Variants in KANK1 observed in about 807,000 individuals in gnomAD.
The protein encoded by KANK1 is KN motif and ankyrin repeat domain-containing protein 1.
A neutral mutation model predicts 106.2 loss-of-function variants in KANK1; 109 were observed. The ratio of observed to expected loss-of-function variants is 1.03; its 90% CI spans 0.88 to 1.20. The LOEUF is 1.20. KANK1 is among the 50% of genes most tolerant of loss of function. The probability of loss-of-function intolerance (pLI) is 0.00; values close to 1 mark genes in which losing one functional copy is unlikely to be tolerated. For synonymous variants in KANK1, 873 were observed against 652.2 expected (o/e 1.34, Z -5.16); for missense variants, 2,399 against 1,710.7 (o/e 1.40, Z -7.10).
chr9:692,281 C>T (rs1820136046), intron 2 of KANK1, among the ~76,000 whole-genome samples: 1 of 152,190 alleles, frequency 6.6e-6, no homozygotes, highest in Non-Finnish European at 1.5e-5. Context: ...CTTTGAGACA[C>T]ATACTTTCCT....
At chr9:548,488 C>T (rs1360323217) in intron 1 of KANK1, among the ~76,000 whole-genome samples, 3 of 152,044 alleles carry the variant, frequency 2.0e-5, no homozygotes, top group Non-Finnish European at 2.9e-5. Context: ...ATGACTTTAA[C>T]GCTAAATAGC....
At chr9:611,867 T>C (rs887475739) in intron 1 of KANK1, among the ~76,000 whole-genome samples, 2 of 152,090 alleles carry the variant, frequency 1.3e-5, no homozygotes, top group African/African-American at 2.4e-5. Flanking sequence ...TACAGGCGCA[T>C]GCCACCACAC....
intron 7 of KANK1, among the ~76,000 whole-genome samples, chr9:735,102 C>T (rs1039293176): frequency 2.0e-5 from 3 of 152,168 alleles, no homozygotes; most frequent in African/African-American, 7.2e-5. Flanking sequence ...CACTTGCAGA[C>T]AGAAAGCAGG....
intron 1 of KANK1, among the ~76,000 whole-genome samples, chr9:594,434 G>T (rs1825737074): frequency 6.6e-6 from 1 of 151,806 alleles, no homozygotes; most frequent in Non-Finnish European, 1.5e-5. Context: ...ATACCAGAAG[G>T]ATGGATGATT....
At chr9:518,487 T>A (rs1287614198) in intron 1 of KANK1, among the ~76,000 whole-genome samples, 1 of 151,696 alleles carries the variant, frequency 6.6e-6, no homozygotes, top group Non-Finnish European at 1.5e-5. Context: ...TGATTCGATG[T>A]AGGGGAGGGG....
intron 6 of KANK1, chr9:734,429 G>C (rs1833188506): frequency 8.1e-6 from 2 of 245,920 alleles, no homozygotes; most frequent in Non-Finnish European, 1.6e-5. Context: ...ACTGTGGGAG[G>C]CCGAGGCAGG....
intron 1 of KANK1, among the ~76,000 whole-genome samples, chr9:616,893 A>G (rs1831970620): frequency 6.6e-6 from 1 of 152,190 alleles, no homozygotes; most frequent in African/African-American, 2.4e-5. Context: ...TTCTGCTACC[A>G]CTTCATTGGT....
chr9:647,263 C>T (rs925850202), intron 1 of KANK1, among the ~76,000 whole-genome samples: 4 of 123,284 alleles, frequency 3.2e-5, no homozygotes, highest in South Asian at 2.2e-4. Context: ...TTTCTGTTCT[C>T]ATTAATTTTC....
intron 2 of KANK1, among the ~76,000 whole-genome samples, chr9:701,324 G>A (rs1203995837): frequency 7.2e-5 from 11 of 152,108 alleles, no homozygotes; most frequent in Non-Finnish European, 2.9e-5. Flanking sequence ...TGTTGGTCTC[G>A]AACTCCCCAC....
chr9:539,727 T>G (rs58003102), intron 1 of KANK1: 61,411 of 151,626 alleles, frequency 0.41, 16,577 homozygotes, highest in East Asian at 0.74. Context: ...ACTCAAGCAG[T>G]CCTTCTGCCT....
At chr9:739,698 G>A (rs1054662615) in intron 8 of KANK1, among the ~76,000 whole-genome samples, 6 of 152,184 alleles carry the variant, frequency 3.9e-5, no homozygotes, top group African/African-American at 1.4e-4. Context: ...CTTAGAAGTT[G>A]ATAAAACATC....
intron 1 of KANK1, among the ~76,000 whole-genome samples, chr9:562,894 T>G (rs1389562): frequency 1.3e-5 from 2 of 151,930 alleles, no homozygotes; most frequent in African/African-American, 2.4e-5. Flanking sequence ...AAAATGAAAT[T>G]AGCATTTCAT....
intron 1 of KANK1, among the ~76,000 whole-genome samples, chr9:522,760 T>C (rs2059608156): frequency 6.6e-6 from 1 of 151,746 alleles, no homozygotes; most frequent in Non-Finnish European, 1.5e-5. Context: ...AATGCACTCC[T>C]TAAGCTTAGC....
chr9:578,965 G>T (rs1371536617), intron 1 of KANK1, among the ~76,000 whole-genome samples: 1 of 152,166 alleles, frequency 6.6e-6, no homozygotes, highest in Non-Finnish European at 1.5e-5. Context: ...GTTATATCTT[G>T]ACTTAATAAA....
intron 1 of KANK1, among the ~76,000 whole-genome samples, chr9:541,328 A>T (rs1193543831): frequency 1.3e-5 from 2 of 152,194 alleles, no homozygotes; most frequent in African/African-American, 2.4e-5. Flanking sequence ...CAATGGGGAA[A>T]AGAGAGTCTT....
chr9:686,954 C>T lies in KANK1; in HGVS notation c.37+9945C>T, dbSNP rs149693109. 7.1e-5 allele frequency: 70 copies of T among 984,620 alleles called. 1 individual carries two copies. In the Admixed American group the frequency reaches 1.0e-3, roughly 15 times the overall value. The allele number at this position is 984,620 out of a possible 1,614,324, so 61.0% of individuals were successfully genotyped here. A position where few individuals can be genotyped will look rare whatever the true frequency, so the allele number is the denominator to read the frequency against. On this transcript the variant is annotated intron_variant, in intron 2 of 11. Transcript: ENST00000382297. ...GGGCTTAGGGCTGGGGGCTTTTCCT[C>T]TGGGCTCTTATCCTTTGGTATGTTG...
At chr9:724,116 T>C (rs1242156781) in intron 3 of KANK1, among the ~76,000 whole-genome samples, 2 of 151,990 alleles carry the variant, frequency 1.3e-5, no homozygotes, top group African/African-American at 4.8e-5. Context: ...AAAAGACTAT[T>C]GGAGAAATTT....
chr9:634,619 G>A (rs529862842), intron 1 of KANK1, among the ~76,000 whole-genome samples: 19 of 152,228 alleles, frequency 1.2e-4, no homozygotes, highest in Admixed American at 7.8e-4. Flanking sequence ...GGCAGTTTCA[G>A]CACCTGAACA....
chr9:555,339 A>G (rs1411096957), intron 1 of KANK1, among the ~76,000 whole-genome samples: 1 of 152,160 alleles, frequency 6.6e-6, no homozygotes, highest in Non-Finnish European at 1.5e-5. Context: ...CCTACCTTCC[A>G]CACCATGTAC....
Sources: gnomAD v4.1 joint callset for allele counts (sites outside exome capture counted in the v4.1 genomes callset) on GRCh38, gnomAD v4.1.1 for gene constraint, MANE v1.5 for transcripts, NCBI Gene and HGNC (gene_info 2026-07-23, HGNC 2026-07-21) for gene names.